The following FBXW11 variants were observed in gnomAD, a reference collection of about 807,000 sequenced individuals.
FBXW11 encodes the protein F-box/WD repeat-containing protein 11.
A neutral mutation model predicts 77.6 loss-of-function variants in FBXW11; 19 were observed. That is an observed-to-expected ratio of 0.24 (90% CI 0.17 to 0.36). The LOEUF is 0.36. Ranked by LOEUF, FBXW11 falls within the 10% of genes least tolerant of loss-of-function variation. The pLI is 1.00. For missense variants in FBXW11, 334 were observed against 704.2 expected (o/e 0.47, Z 5.95); for synonymous variants, 235 against 249.4 (o/e 0.94, Z 0.54).
At chr5:171,903,022 T>C (rs1760243803) in intron 4 of FBXW11, among the ~76,000 whole-genome samples, 1 of 152,222 alleles carries the variant, frequency 6.6e-6, no homozygotes, top group Non-Finnish European at 1.5e-5. Flanking sequence ...AAATAGTTAA[T>C]TATTTTGTTT....
chr5:171,908,487 T>G (rs751287825), intron 4 of FBXW11, among the ~76,000 whole-genome samples: 2 of 152,190 alleles, frequency 1.3e-5, no homozygotes, highest in Non-Finnish European at 2.9e-5. Context: ...CTTCCTAATC[T>G]ACACAATGAA....
At chr5:171,980,095 G>A (rs902292381) in intron 1 of FBXW11, among the ~76,000 whole-genome samples, 39 of 152,322 alleles carry the variant, frequency 2.6e-4, no homozygotes, top group East Asian at 7.7e-4. Context: ...AAGCATGCCA[G>A]GGCAAATACT....
chr5:171,931,937 C>T (rs1762230736), intron 2 of FBXW11, among the ~76,000 whole-genome samples: 2 of 147,270 alleles, frequency 1.4e-5, no homozygotes, highest in South Asian at 4.5e-4. Context: ...TGCAGTGATG[C>T]AATCACCACT....
Position 172,006,441 on chromosome 5 carries a change from C to T in FBXW11, c.45+17G>A. ...CGGACGGACGGAAGCACAGACGGTC[C>T]AGCGGGCCGCACTCACCATGAGCTC... On this transcript the variant is annotated intron_variant, in intron 1 of 13. Coordinates refer to ENST00000517395, the MANE Select transcript of FBXW11 (RefSeq NM_001378974.1). 1 of 1,543,572 alleles carries T rather than the reference C, an allele frequency of 6.5e-7. No individual in the cohort carries two copies.
At chr5:171,903,799 C>T (rs1347405910) in intron 4 of FBXW11, among the ~76,000 whole-genome samples, 1 of 151,918 alleles carries the variant, frequency 6.6e-6, no homozygotes, top group Non-Finnish European at 1.5e-5. Flanking sequence ...GTATGCACTA[C>T]CATGCCAGGC....
chr5:171,882,194 T>C (rs1758557400), intron 7 of FBXW11, among the ~76,000 whole-genome samples: 2 of 152,206 alleles, frequency 1.3e-5, no homozygotes, highest in African/African-American at 4.8e-5. Flanking sequence ...ATATATGCAC[T>C]CAATACTATA....
At chr5:171,900,388 C>G (rs1005459717) in intron 4 of FBXW11, among the ~76,000 whole-genome samples, 7 of 152,246 alleles carry the variant, frequency 4.6e-5, no homozygotes, top group African/African-American at 1.7e-4. Flanking sequence ...TTTTCATTTT[C>G]TTTTATATAA....
At chr5:171,896,761 T>C (rs1374421523) in intron 6 of FBXW11, among the ~76,000 whole-genome samples, 4 of 152,208 alleles carry the variant, frequency 2.6e-5, no homozygotes, top group African/African-American at 9.6e-5. Flanking sequence ...CAATCATCTA[T>C]GTAAATCACC....
intron 3 of FBXW11, among the ~76,000 whole-genome samples, chr5:171,911,906 A>G (rs1760906886): frequency 6.6e-6 from 1 of 152,228 alleles, no homozygotes; most frequent in Non-Finnish European, 1.5e-5. Context: ...CTTTTGTCAA[A>G]CATTTGTCAA....
chr5:171,867,491 T>C (rs1013540560), intron 13 of FBXW11, among the ~76,000 whole-genome samples: 1 of 137,948 alleles, frequency 7.2e-6, no homozygotes, highest in African/African-American at 2.6e-5. Context: ...AGAGACTAAT[T>C]AAAAAAAAAA....
intron 2 of FBXW11, among the ~76,000 whole-genome samples, chr5:171,951,146 T>C (rs1763291707): frequency 1.3e-5 from 2 of 149,240 alleles, no homozygotes; most frequent in African/African-American, 4.9e-5. Context: ...CGTACAAGCC[T>C]AAAGATACAT....
chr5:171,861,782 G>C lies in FBXW11; in HGVS notation c.*2345C>G, dbSNP rs1240675146. On this transcript the variant is annotated 3_prime_UTR_variant, in exon 14 of 14. Transcript: ENST00000517395. The stretch of plus-strand genomic sequence containing the variant: ...ATTTAACAGTTTCAATAGCTGTTCA[G>C]ACACAAATTTATTTCAAACAGATAA... 1 of 152,606 alleles carries C rather than the reference G, an allele frequency of 6.6e-6. No individual in the cohort carries two copies. The highest frequency in any genetic ancestry group is 2.4e-5 in the African/African-American group (1 of 41,432). The allele number at this position is 152,606 out of a possible 1,614,324, so 9.5% of individuals were successfully genotyped here.
chr5:171,965,538 A>AT (rs1249433956), intron 1 of FBXW11, among the ~76,000 whole-genome samples: 1 of 151,936 alleles, frequency 6.6e-6, no homozygotes, highest in African/African-American at 2.4e-5. Context: ...AAAAATAAAA[A>AT]AAAAAAAAAA....
intron 4 of FBXW11, among the ~76,000 whole-genome samples, chr5:171,907,942 G>A (rs903679905): frequency 1.1e-4 from 17 of 152,162 alleles, no homozygotes; most frequent in African/African-American, 4.1e-4. Flanking sequence ...CAAATACAAG[G>A]TGAGTTCCCT....
chr5:171,892,322 A>T (rs1759407737), intron 6 of FBXW11, among the ~76,000 whole-genome samples: 1 of 152,254 alleles, frequency 6.6e-6, no homozygotes, highest in Admixed American at 6.5e-5. Flanking sequence ...AATGATCCAT[A>T]CAATAACCTT....
chr5:171,883,788 A>G (rs1227786157), intron 7 of FBXW11, among the ~76,000 whole-genome samples: 1 of 151,922 alleles, frequency 6.6e-6, no homozygotes, highest in Admixed American at 6.6e-5. Context: ...TGTATTGACT[A>G]TTTTGTATAT....
intron 2 of FBXW11, among the ~76,000 whole-genome samples, chr5:171,929,070 T>A (rs1762031529): frequency 6.8e-6 from 1 of 147,280 alleles, no homozygotes; most frequent in African/African-American, 2.5e-5. Flanking sequence ...AAGCTCCATC[T>A]AAAAAAAAAA....
chr5:171,926,685 T>C (rs1373712741), intron 2 of FBXW11, among the ~76,000 whole-genome samples: 2 of 152,224 alleles, frequency 1.3e-5, no homozygotes, highest in Non-Finnish European at 2.9e-5. Context: ...TGCAGAACCA[T>C]GAGCCAATTA....
At chr5:171,891,763 A>G (rs1377351373) in intron 6 of FBXW11, among the ~76,000 whole-genome samples, 159 bp from the exon 7 acceptor site, 1 of 151,880 alleles carries the variant, frequency 6.6e-6, no homozygotes, top group Non-Finnish European at 1.5e-5. Flanking sequence ...TCCAAGTAAG[A>G]CATTAACCCA....
Sources: allele counts gnomAD v4.1 joint callset (sites outside exome capture counted in the v4.1 genomes callset), GRCh38; gene constraint gnomAD v4.1.1; transcripts MANE v1.5; gene names NCBI Gene and HGNC (gene_info 2026-07-23, HGNC 2026-07-21).